MRC1: variants seen among roughly 807,000 people sequenced by gnomAD.
The protein encoded by MRC1 is mannose receptor C-type 1.
In MRC1, 62 loss-of-function variants were observed where a neutral mutation model predicts 102.9. The observed-to-expected ratio is 0.60, with a 90% confidence interval of 0.49 to 0.74. MRC1 has a LOEUF of 0.74. Ranked by LOEUF, MRC1 falls within the 30% of genes least tolerant of loss-of-function variation. MRC1 has a pLI of 0.00. For missense variants in MRC1, 1,237 were observed against 862.8 expected (o/e 1.43, Z -5.43); for synonymous variants, 457 against 298.4 (o/e 1.53, Z -5.48).
Position 17,861,465 on chromosome 10 carries a change from A to G in MRC1, c.1597A>G (p.Asn533Asp). 1 of 872,376 alleles carries G rather than the reference A, an allele frequency of 1.1e-6. No homozygotes were observed. Among genetic ancestry groups the G allele is most frequent in the East Asian group, 2.4e-5 (1 of 41,618 alleles). 54.0% of individuals were successfully genotyped at this position (872,376 alleles called of 1,614,324 possible). ...STFAEANQTCNNENAYLTTIE... is the reference protein window; with the variant it reads ...STFAEANQTCDNENAYLTTIE... The stretch of plus-strand genomic sequence containing the variant: ...ATTTGCAGAAGCAAACCAAACCTGT[A>G]ATAATGAGAATGCTTATTTAACAAC... Residue 533 changes from asparagine to aspartate, a missense_variant, in exon 10 of 30, where the codon AAT becomes GAT. Physicochemically the swap from Asn to Asp is conservative, Grantham distance 23 (BLOSUM62 1). Transcript: ENST00000569591.
chr10:17,811,379 G>A (rs1219907190), intron 1 of MRC1, among the ~76,000 whole-genome samples: 4 of 152,134 alleles, frequency 2.6e-5, no homozygotes, highest in Admixed American at 2.0e-4. Context: ...GGTTTGCTCA[G>A]GAGTGTTTCC....
At chr10:17,894,148 A>G in intron 22 of MRC1, 62 bp from the exon 23 acceptor site, 1 of 860,048 alleles carries the variant, frequency 1.2e-6, no homozygotes, top group East Asian at 2.4e-5. Context: ...CTTATTAATG[A>G]ATTGATTTCA....
At chr10:17,891,130 G>GTTTT (rs1306284440) in intron 22 of MRC1, among the ~76,000 whole-genome samples, 39 of 138,960 alleles carry the variant, frequency 2.8e-4, no homozygotes, top group African/African-American at 4.9e-4. Flanking sequence ...TGTATCACTA[G>GTTTT]TTTTATTTAT....
intron 22 of MRC1, among the ~76,000 whole-genome samples, chr10:17,891,012 A>T (rs2130704892): frequency 6.6e-6 from 1 of 151,732 alleles, no homozygotes; most frequent in East Asian, 1.9e-4. Flanking sequence ...TCCTTATGAG[A>T]ATTTAATGTC....
At chr10:17,873,038 G>T (rs1833376332) in intron 15 of MRC1, among the ~76,000 whole-genome samples, 1 of 152,038 alleles carries the variant, frequency 6.6e-6, no homozygotes, top group Non-Finnish European at 1.5e-5. Flanking sequence ...TCCTTTAATG[G>T]TCTCTTATCT....
chr10:17,909,060 T>C (rs1234119883), intron 28 of MRC1, among the ~76,000 whole-genome samples: 2 of 152,154 alleles, frequency 1.3e-5, no homozygotes, highest in Non-Finnish European at 2.9e-5. Context: ...AAACGCACCA[T>C]ACAACCATAG....
intron 3 of MRC1, among the ~76,000 whole-genome samples, chr10:17,831,384 A>G (rs914193094): frequency 2.6e-5 from 4 of 151,478 alleles, no homozygotes; most frequent in Middle Eastern, 6.3e-3. Flanking sequence ...ATTTTTATAT[A>G]AGCATATAAT....
intron 21 of MRC1, among the ~76,000 whole-genome samples, chr10:17,882,207 C>T (rs913487749): frequency 3.9e-5 from 6 of 151,958 alleles, no homozygotes; most frequent in Non-Finnish European, 4.4e-5. Flanking sequence ...TGAAGGGTTT[C>T]GAAATCACTG....
intron 5 of MRC1, among the ~76,000 whole-genome samples, chr10:17,841,713 C>G (rs1838752930): frequency 6.6e-6 from 1 of 151,376 alleles, no homozygotes; most frequent in Non-Finnish European, 1.5e-5. Flanking sequence ...AAATTCAATC[C>G]CCACCCCTCA....
At chr10:17,865,625 G>C (rs1440705804) in intron 11 of MRC1, among the ~76,000 whole-genome samples, 4 of 152,158 alleles carry the variant, frequency 2.6e-5, no homozygotes, top group Admixed American at 6.5e-5. Flanking sequence ...AAGGAGCCTG[G>C]GGCTCGGGCC....
intron 21 of MRC1, among the ~76,000 whole-genome samples, chr10:17,885,039 G>A (rs1376688944): frequency 2.0e-5 from 3 of 152,208 alleles, no homozygotes; most frequent in Non-Finnish European, 4.4e-5. Flanking sequence ...TGTCTTCAGT[G>A]GCCTAGATAA....
At chr10:17,847,941 A>G (rs1394185708) in intron 6 of MRC1, among the ~76,000 whole-genome samples, 6 of 85,854 alleles carry the variant, frequency 7.0e-5, no homozygotes, top group Non-Finnish European at 1.5e-4. Context: ...TTTTTTTGTA[A>G]CCACTGGAAG....
At chr10:17,840,160 A>G (rs1725471067) in intron 4 of MRC1, among the ~76,000 whole-genome samples, 1 of 151,654 alleles carries the variant, frequency 6.6e-6, no homozygotes, top group Admixed American at 6.6e-5. Context: ...TGACTTCCAC[A>G]TCAGTCCTAG....
At chr10:17,892,530 G>C (rs781994616) in intron 22 of MRC1, among the ~76,000 whole-genome samples, 761 of 152,236 alleles carry the variant, frequency 5.0e-3, no homozygotes, top group Non-Finnish European at 8.3e-3. Flanking sequence ...TTGATGTTCA[G>C]CTTTTCTCGC....
intron 29 of MRC1, among the ~76,000 whole-genome samples, chr10:17,909,915 C>T (rs921056038): frequency 6.6e-6 from 1 of 151,854 alleles, no homozygotes; most frequent in African/African-American, 2.4e-5. Flanking sequence ...TCTTCTTATA[C>T]TGTATTTTTA....
chr10:17,878,132 T>C (rs1342281677), intron 18 of MRC1, among the ~76,000 whole-genome samples, 165 bp downstream of exon 18: 2 of 152,222 alleles, frequency 1.3e-5, no homozygotes, highest in East Asian at 1.9e-4. Flanking sequence ...TTCTATTAAA[T>C]ATTTTCAGCA....
chr10:17,887,479 A>T (rs936445693), intron 22 of MRC1, among the ~76,000 whole-genome samples: 48 of 152,248 alleles, frequency 3.2e-4, no homozygotes, highest in Admixed American at 6.5e-4. Context: ...CATTCTCATG[A>T]CACCAATGAG....
chr10:17,835,631 A>G (rs1838651106), intron 4 of MRC1, among the ~76,000 whole-genome samples: 1 of 152,240 alleles, frequency 6.6e-6, no homozygotes, highest in Non-Finnish European at 1.5e-5. Flanking sequence ...AGAGCCTTCC[A>G]AGGAAGGGTC....
At chr10:17,856,213 A>AT (rs782411632) in intron 8 of MRC1, 29 bp from the exon 9 acceptor site, 227 of 781,050 alleles carry the variant, frequency 2.9e-4, no homozygotes, top group African/African-American at 1.3e-3. Context: ...ATAATCCTTT[A>AT]TTTTTTTCTC....
Sources: allele counts gnomAD v4.1 joint callset (sites outside exome capture counted in the v4.1 genomes callset), GRCh38; gene constraint gnomAD v4.1.1; transcripts MANE v1.5; gene names NCBI Gene and HGNC (gene_info 2026-07-23, HGNC 2026-07-21).